DLGAP1: variants seen among roughly 807,000 people sequenced by gnomAD.
DLGAP1 encodes the protein disks large-associated protein 1.
A neutral mutation model predicts 90.8 loss-of-function variants in DLGAP1; 11 were observed. The observed-to-expected ratio is 0.12, with a 90% CI of 0.08 to 0.20. The LOEUF (loss-of-function observed/expected upper bound fraction) is 0.20, where lower values mean the gene tolerates loss of function less well. Ranked by LOEUF, DLGAP1 falls within the 10% of genes least tolerant of loss-of-function variation. DLGAP1 has a pLI of 1.00. For synonymous variants in DLGAP1, 558 were observed against 540.7 expected (o/e 1.03, Z -0.44); for missense variants, 1,050 against 1,333.8 (o/e 0.79, Z 3.31).
chr18:3,599,625 GTTTGT>G (rs2056785994), intron 7 of DLGAP1, among the ~76,000 whole-genome samples: 1 of 152,062 alleles, frequency 6.6e-6, no homozygotes, highest in Non-Finnish European at 1.5e-5. Context: ...GTTTTTTGTT[GTTTGT>G]TTTGTTTTTT....
At chr18:4,417,280 C>T (rs1292143885) in intron 1 of DLGAP1, among the ~76,000 whole-genome samples, 2 of 151,976 alleles carry the variant, frequency 1.3e-5, no homozygotes, top group Non-Finnish European at 1.5e-5. Flanking sequence ...ATATTTATCA[C>T]TAAATATATT....
intron 1 of DLGAP1, among the ~76,000 whole-genome samples, chr18:4,261,141 T>G (rs2078994804): frequency 6.6e-6 from 1 of 152,174 alleles, no homozygotes; most frequent in Non-Finnish European, 1.5e-5. Context: ...AGTATGTCCA[T>G]GATGGGATTT....
Position 3,918,751 on chromosome 18 carries a change from T to C in DLGAP1, c.-72-38611A>G, listed in dbSNP as rs377400841. ...GAAGGAGGGCAACCAAGAAGTTGAA[T>C]GTGACGATAGACCATAGATCTTAGT... On this transcript the variant is annotated intron_variant, in intron 3 of 12. Coordinates refer to ENST00000315677, the MANE Select transcript of DLGAP1 (RefSeq NM_004746.4). Among the ~76,000 whole-genome samples, 104 of 152,278 alleles carry C rather than the reference T, an allele frequency of 6.8e-4. 1 individual carries two copies. The South Asian group carries it at 7.9e-3, about 12-fold the overall frequency.
At chr18:3,916,936 A>C (rs1434368297) in intron 3 of DLGAP1, among the ~76,000 whole-genome samples, 2 of 152,170 alleles carry the variant, frequency 1.3e-5, no homozygotes, top group East Asian at 3.9e-4. Context: ...TTTTGACTTT[A>C]CGATGGTGCA....
intron 1 of DLGAP1, among the ~76,000 whole-genome samples, chr18:4,354,459 C>T (rs1013707907): frequency 3.9e-5 from 6 of 151,994 alleles, no homozygotes; most frequent in South Asian, 4.2e-4. Context: ...TCTTTTTGTC[C>T]GATCACATTT....
Position 3,580,069 on chromosome 18 carries a change from G to A in DLGAP1, c.1965+1806C>T, listed in dbSNP as rs1309264787. 5.5e-6 allele frequency: 4 copies of A among 724,908 alleles called. No homozygotes were observed. In the African/African-American group the frequency reaches 7.0e-5, roughly 13 times the overall value. The allele number at this position is 724,908 out of a possible 1,614,324, so 44.9% of individuals were successfully genotyped here. A position where few individuals can be genotyped will look rare whatever the true frequency, so the allele number is the denominator to read the frequency against. ...AATTAAAAGCACCTCATGTTTGATT[G>A]TGTTCATGTTCTTTGAATTATCCTG... On this transcript the variant is annotated intron_variant, in intron 8 of 12. Transcript: ENST00000315677.
intron 1 of DLGAP1, among the ~76,000 whole-genome samples, chr18:4,328,489 T>C (rs1375760745): frequency 3.3e-5 from 5 of 151,992 alleles, no homozygotes; most frequent in African/African-American, 9.7e-5. Context: ...TTGACTATTA[T>C]AAACAAAGCT....
intron 2 of DLGAP1, among the ~76,000 whole-genome samples, chr18:4,110,343 A>G (rs1262349684): frequency 2.0e-5 from 3 of 152,220 alleles, no homozygotes; most frequent in African/African-American, 7.2e-5. Context: ...TCCTATATGT[A>G]TACCATTGTT....
intron 8 of DLGAP1, among the ~76,000 whole-genome samples, chr18:3,578,646 C>G (rs1191050323): frequency 7.9e-6 from 1 of 127,338 alleles, no homozygotes; most frequent in Non-Finnish European, 1.6e-5. Flanking sequence ...TGAGCCACCG[C>G]ACCCGGCCAT....
At chr18:4,227,535 A>C (rs771344143) in intron 1 of DLGAP1, among the ~76,000 whole-genome samples, 47 of 152,184 alleles carry the variant, frequency 3.1e-4, no homozygotes, top group Non-Finnish European at 6.2e-4. Context: ...CTAGAAATCA[A>C]TAATGAGAAA....
intron 1 of DLGAP1, among the ~76,000 whole-genome samples, chr18:4,182,190 A>T (rs1480772028): frequency 6.6e-6 from 1 of 152,166 alleles, no homozygotes; most frequent in Non-Finnish European, 1.5e-5. Context: ...CTACACCCAA[A>T]TGTGCCTCTT....
intron 5 of DLGAP1, among the ~76,000 whole-genome samples, chr18:3,793,363 T>A (rs182899820): frequency 4.7e-4 from 71 of 152,270 alleles, no homozygotes; most frequent in Non-Finnish European, 9.3e-4. Context: ...CTGACTTCCA[T>A]CCTTGCCTCC....
chr18:4,037,414 A>T (rs904706320), intron 2 of DLGAP1, among the ~76,000 whole-genome samples: 3 of 152,214 alleles, frequency 2.0e-5, no homozygotes, highest in Non-Finnish European at 4.4e-5. Context: ...TGTATGTATC[A>T]TGTGAAGATT....
At chr18:3,554,613 T>A (rs1432962237) in intron 9 of DLGAP1, among the ~76,000 whole-genome samples, 2 of 152,248 alleles carry the variant, frequency 1.3e-5, no homozygotes, top group Non-Finnish European at 2.9e-5. Context: ...CATGGTGGCC[T>A]GCAAATGTAA....
At chr18:3,817,311 A>G (rs2067156995) in intron 4 of DLGAP1, among the ~76,000 whole-genome samples, 1 of 152,186 alleles carries the variant, frequency 6.6e-6, no homozygotes, top group South Asian at 2.1e-4. Context: ...TTGGGCTCAT[A>G]CTAGAAACAG....
At chr18:4,371,623 T>C (rs2081918730) in intron 1 of DLGAP1, among the ~76,000 whole-genome samples, 1 of 152,228 alleles carries the variant, frequency 6.6e-6, no homozygotes, top group Non-Finnish European at 1.5e-5. Context: ...TCATTGCCTA[T>C]TCAAATTGGG....
chr18:3,620,856 C>T (rs1225701693), intron 7 of DLGAP1, among the ~76,000 whole-genome samples: 1 of 152,184 alleles, frequency 6.6e-6, no homozygotes, highest in Non-Finnish European at 1.5e-5. Flanking sequence ...CCACGTCCGG[C>T]CTGGTATCAC....
intron 1 of DLGAP1, among the ~76,000 whole-genome samples, chr18:4,339,988 G>C (rs1375899745): frequency 6.6e-6 from 1 of 151,912 alleles, no homozygotes; most frequent in Non-Finnish European, 1.5e-5. Flanking sequence ...ATGTTACATT[G>C]GTCTTCTCTT....
intron 7 of DLGAP1, among the ~76,000 whole-genome samples, chr18:3,599,255 A>AAATTAAAT (rs1488213740): frequency 2.0e-5 from 3 of 152,216 alleles, no homozygotes; most frequent in African/African-American, 7.2e-5. Context: ...CGCTTTACCT[A>AAATTAAAT]TAGTCTCATT....
Sources: allele counts gnomAD v4.1 joint callset (sites outside exome capture counted in the v4.1 genomes callset), GRCh38; gene constraint gnomAD v4.1.1; transcripts MANE v1.5; gene names NCBI Gene and HGNC (gene_info 2026-07-23, HGNC 2026-07-21).